Variants in PAX8 observed in about 807,000 individuals in gnomAD.
PAX8 encodes paired box 8.
PAX8 carries 15 observed loss-of-function variants against 52.4 expected under a neutral mutation model. That is an observed-to-expected ratio of 0.29 (90% confidence interval 0.19 to 0.44). PAX8 has a LOEUF of 0.44. Ranked by LOEUF, PAX8 falls within the 20% of genes least tolerant of loss-of-function variation. The probability of loss-of-function intolerance (pLI) is 1.00; values close to 1 mark genes in which losing one functional copy is unlikely to be tolerated. For synonymous variants in PAX8, 284 were observed against 249.7 expected (o/e 1.14, Z -1.29); for missense variants, 554 against 602.5 (o/e 0.92, Z 0.84).
At chr2:113,255,242 GGGGA>G (rs1558737255) in intron 2 of PAX8, 3 of 12,166 alleles carry the variant, frequency 2.5e-4, no homozygotes, top group Non-Finnish European at 4.8e-4. Context: ...GGAGGAGGGA[GGGGA>G]GGAGGGAGGG....
Position 113,236,646 on chromosome 2 carries a change from G to A in PAX8, c.853C>T (p.Leu285=), listed in dbSNP as rs767861978. 4 of 1,595,530 alleles carry A rather than the reference G, an allele frequency of 2.5e-6. No homozygotes were observed. Among genetic ancestry groups the A allele is most frequent in the Non-Finnish European group, 3.4e-6 (4 of 1,171,516 alleles). Reference sequence around the variant, plus strand: ...TGGTGAGTCGAGAGGTTGCGCCCCAGTGGCGTGTTGGAAGGGGTCAGGGTG... The same window carrying A: ...TGGTGAGTCGAGAGGTTGCGCCCCAATGGCGTGTTGGAAGGGGTCAGGGTG... ...KATLTPSNTP[L]GRNLSTHQTY... The change falls in exon 8 of 12, where the codon CTG becomes TTG. Residue 285 remains leucine (L), a synonymous_variant. Coordinates refer to ENST00000429538, the MANE Select transcript of PAX8 (RefSeq NM_003466.4).
At chr2:113,229,488 C>T (rs10193656) in intron 9 of PAX8, among the ~76,000 whole-genome samples, 3,104 of 152,290 alleles carry the variant, frequency 0.02, 120 homozygotes, top group African/African-American at 0.071. Flanking sequence ...TAAACCTGAA[C>T]ACCACCTTCT....
chr2:113,236,680 G>A lies in PAX8; in HGVS notation c.819C>T (p.Asp273=), dbSNP rs1233521711. 3 of 1,587,012 alleles carry A rather than the reference G, an allele frequency of 1.9e-6. No individual in the cohort carries two copies. Among genetic ancestry groups the A allele is most frequent in the South Asian group, 1.2e-5 (1 of 86,732 alleles). ...TGGAAGGGGTCAGGGTGGCCTTCCC[G>A]TCGTCCAGGGTGCTGTTGAGCAAGG... ...PLPLLNSTLD[D]GKATLTPSNT... The change falls in exon 8 of 12, where the codon GAC becomes GAT. Residue 273 remains aspartate, a synonymous_variant. Coordinates refer to ENST00000429538, the MANE Select transcript of PAX8 (RefSeq NM_003466.4).
chr2:113,235,341 C>T (rs1457390924), intron 9 of PAX8, 53 bp downstream of exon 9: 18 of 1,477,598 alleles, frequency 1.2e-5, no homozygotes, highest in Non-Finnish European at 1.6e-5. Context: ...CCCTGAGGAC[C>T]CCCGTCCCAC....
intron 2 of PAX8, chr2:113,276,179 G>C (rs563702556): frequency 1.6e-4 from 24 of 152,344 alleles, no homozygotes; most frequent in African/African-American, 5.8e-4. Context: ...CCGCTTATGA[G>C]TTTAGCTCCG....
Position 113,218,185 on chromosome 2 carries a change from C to A in PAX8, c.*348G>T, listed in dbSNP as rs911038467. 7 of 279,512 alleles carry A rather than the reference C, an allele frequency of 2.5e-5. No individual in the cohort carries two copies. The highest frequency in any genetic ancestry group is 2.7e-5 in the Non-Finnish European group (4 of 149,456). 17.3% of individuals were successfully genotyped at this position (279,512 alleles called of 1,614,324 possible). A position where few individuals can be genotyped will look rare whatever the true frequency, so the allele number is the denominator to read the frequency against. ...TGCACCCCTTGGGCCCGGGCAGGAA[C>A]CATTCGCCATCCCCCCAAGTTCCTC... is the stretch of plus-strand genomic sequence containing the variant. On this transcript the variant is annotated 3_prime_UTR_variant, in exon 12 of 12. Coordinates refer to ENST00000429538, the MANE Select transcript of PAX8 (RefSeq NM_003466.4).
At chr2:113,263,306 A>G (rs1446028047) in intron 2 of PAX8, 1 of 152,570 alleles carries the variant, frequency 6.6e-6, no homozygotes, top group African/African-American at 2.4e-5. Flanking sequence ...TCAGCACAGC[A>G]AATATTCCAA....
chr2:113,241,528 C>T (rs777851763), intron 7 of PAX8, 23 bp downstream of exon 7: 6 of 1,587,258 alleles, frequency 3.8e-6, no homozygotes, highest in African/African-American at 2.7e-5. Context: ...ACCCTGTTCA[C>T]CTCCCAGGGC....
chr2:113,257,091 G>A (rs1262040140), intron 2 of PAX8, among the ~76,000 whole-genome samples: 1 of 152,160 alleles, frequency 6.6e-6, no homozygotes, highest in Non-Finnish European at 1.5e-5. Context: ...ATGATTTCAA[G>A]TTAATTAACT....
intron 2 of PAX8, among the ~76,000 whole-genome samples, chr2:113,249,688 A>G (rs1182626863): frequency 6.6e-6 from 1 of 152,168 alleles, no homozygotes; most frequent in Non-Finnish European, 1.5e-5. Flanking sequence ...TCAGGAAGCC[A>G]CCTGAGAGGT....
chr2:113,236,569 T>A (rs755445556), intron 8 of PAX8, 32 bp downstream of exon 8: 4 of 1,546,076 alleles, frequency 2.6e-6, no homozygotes, highest in Non-Finnish European at 3.5e-6. Context: ...TCCCCCGCCC[T>A]CCACCTGCCA....
chr2:113,219,410 C>T (rs1327896312), intron 11 of PAX8, among the ~76,000 whole-genome samples: 1 of 152,126 alleles, frequency 6.6e-6, no homozygotes, highest in Non-Finnish European at 1.5e-5. Context: ...CCCTCAAGTC[C>T]CCCCATTGGT....
intron 1 of PAX8, 26 bp from the exon 2 acceptor site, chr2:113,278,495 G>T (rs2104626510): frequency 6.5e-7 from 1 of 1,531,078 alleles, no homozygotes; most frequent in African/African-American, 1.4e-5. Context: ...AGAAGGGCAT[G>T]AGATGCGATG....
chr2:113,227,015 G>T, intron 10 of PAX8, 140 bp downstream of exon 10: 2 of 1,531,974 alleles, frequency 1.3e-6, no homozygotes, highest in African/African-American at 2.7e-5. Flanking sequence ...TTTACAAGGA[G>T]ATGCCCTCTT....
chr2:113,248,403 C>T (rs1691498378), intron 2 of PAX8, among the ~76,000 whole-genome samples: 2 of 152,148 alleles, frequency 1.3e-5, no homozygotes, highest in South Asian at 4.1e-4. Context: ...TTTTTCACAC[C>T]AAGGGCAGGA....
chr2:113,244,194 A>G (rs1319946909), intron 4 of PAX8, among the ~76,000 whole-genome samples: 13 of 152,194 alleles, frequency 8.5e-5, no homozygotes. Context: ...GAAACTGTAG[A>G]TAGCACACTA....
intron 5 of PAX8, 29 bp downstream of exon 5, chr2:113,242,661 T>C (rs372141398): frequency 7.5e-6 from 11 of 1,469,946 alleles, no homozygotes; most frequent in Non-Finnish European, 1.0e-5. Flanking sequence ...CACGAGCATG[T>C]GTGTGTATCC....
intron 8 of PAX8, 53 bp from the exon 9 acceptor site, chr2:113,235,635 G>T (rs1205899221): frequency 2.1e-6 from 3 of 1,458,804 alleles, no homozygotes; most frequent in Non-Finnish European, 2.8e-6. Flanking sequence ...TGGCGGGGAG[G>T]GAACACGCAC....
At chr2:113,268,925 G>A (rs949211444) in intron 2 of PAX8, 1 of 152,376 alleles carries the variant, frequency 6.6e-6, no homozygotes, top group African/African-American at 2.4e-5. Context: ...CACAGTGTGG[G>A]GCACCTGTCT....
Sources: gnomAD v4.1 joint callset for allele counts (sites outside exome capture counted in the v4.1 genomes callset) on GRCh38, gnomAD v4.1.1 for gene constraint, MANE v1.5 for transcripts, NCBI Gene and HGNC (gene_info 2026-07-23, HGNC 2026-07-21) for gene names.